The following SLC22A15 variants were observed in gnomAD, a reference collection of about 807,000 sequenced individuals.
SLC22A15 encodes solute carrier family 22 member 15, also known as flipt 1.
Under a neutral mutation model 62.7 loss-of-function variants are expected in SLC22A15, and 45 were observed. That is an observed-to-expected ratio of 0.72 (90% CI 0.56 to 0.92). The LOEUF is 0.92. SLC22A15 is among the 40% of genes least tolerant of loss of function. SLC22A15 has a pLI of 0.00. For missense variants in SLC22A15, 622 were observed against 665.6 expected (o/e 0.93, Z 0.72); for synonymous variants, 264 against 267.0 (o/e 0.99, Z 0.11).
intron 8 of SLC22A15, among the ~76,000 whole-genome samples, chr1:116,051,243 C>T (rs1447599989): frequency 1.3e-5 from 2 of 152,018 alleles, no homozygotes; most frequent in African/African-American, 4.8e-5. Context: ...CAAAAAAGGG[C>T]CCACATAGCC....
intron 5 of SLC22A15, among the ~76,000 whole-genome samples, chr1:116,029,841 GTTGT>G (rs1657307017): frequency 6.6e-6 from 1 of 152,086 alleles, no homozygotes; most frequent in African/African-American, 2.4e-5. Flanking sequence ...CGTATTTTCT[GTTGT>G]TTCTTTTTTA....
chr1:116,067,129 AG>A lies in SLC22A15; in HGVS notation c.*22del. 6.3e-7 allele frequency: 1 copy of A among 1,591,522 alleles called. No individual in the cohort carries two copies. The highest frequency in any genetic ancestry group is 1.7e-5 in the Admixed American group (1 of 58,188). ...AGTGAAGAGCCCCAGATTCCCCCTAAGAAGCAAAGGATCGTCTTTTATGCCT... is the reference window on the plus strand; with the variant it reads ...AGTGAAGAGCCCCAGATTCCCCCTAAAAGCAAAGGATCGTCTTTTATGCCT... On this transcript the variant is annotated 3_prime_UTR_variant, in exon 12 of 12. Coordinates refer to ENST00000369503, the MANE Select transcript of SLC22A15 (RefSeq NM_018420.3).
chr1:115,995,198 G>A (rs1428048882), intron 2 of SLC22A15, among the ~76,000 whole-genome samples: 1 of 152,052 alleles, frequency 6.6e-6, no homozygotes, highest in Non-Finnish European at 1.5e-5. Flanking sequence ...TGTTAATTTT[G>A]ATTAGCCATT....
intron 2 of SLC22A15, among the ~76,000 whole-genome samples, chr1:115,996,600 G>T (rs1258377566): frequency 1.4e-5 from 2 of 147,402 alleles, no homozygotes; most frequent in Non-Finnish European, 1.5e-5. Context: ...TTTTTTTGAG[G>T]GATTATAAAT....
chr1:116,022,538 C>T (rs1372197427), intron 4 of SLC22A15, among the ~76,000 whole-genome samples: 1 of 152,186 alleles, frequency 6.6e-6, no homozygotes, highest in Non-Finnish European at 1.5e-5. Context: ...CATGAAGATG[C>T]TGTTTTATAA....
Position 116,031,590 on chromosome 1 carries a change from A to C in SLC22A15, c.944+9A>C, listed in dbSNP as rs1202216590. On this transcript the variant is annotated intron_variant, in intron 6 of 11. Transcript: ENST00000369503. ...ATCCTGATGTTCATCTGGTAATTAT[A>C]CTAAGGCGTGTTCTGTTGCTCTTTA... The C allele has an allele frequency of 5.6e-6, 9 of 1,612,692 alleles. No individual in the cohort carries two copies. The African/African-American group carries it at 9.3e-5, about 17-fold the overall frequency.
intron 1 of SLC22A15, among the ~76,000 whole-genome samples, chr1:115,985,147 C>A (rs1361330562): frequency 6.6e-6 from 1 of 152,198 alleles, no homozygotes; most frequent in Admixed American, 6.5e-5. Flanking sequence ...TCCAGTCCCG[C>A]AGGCTCCGTT....
At chr1:116,065,248 C>G (rs1413245899) in intron 10 of SLC22A15, among the ~76,000 whole-genome samples, 1 of 152,102 alleles carries the variant, frequency 6.6e-6, no homozygotes. Context: ...ATTACTTAGG[C>G]AGGTCTCTGA....
chr1:116,011,488 G>A (rs888695028), intron 2 of SLC22A15, among the ~76,000 whole-genome samples: 1 of 152,130 alleles, frequency 6.6e-6, no homozygotes, highest in Non-Finnish European at 1.5e-5. Flanking sequence ...TGGAGATATT[G>A]TGTGTGAAGA....
At chr1:116,053,266 T>G (rs1658111656) in intron 8 of SLC22A15, among the ~76,000 whole-genome samples, 3 of 152,266 alleles carry the variant, frequency 2.0e-5, no homozygotes, top group African/African-American at 7.2e-5. Context: ...TGCAGAAGCC[T>G]CAGGAGCTGA....
At chr1:116,066,045 T>C (rs1658488931) in intron 10 of SLC22A15, among the ~76,000 whole-genome samples, 1 of 152,200 alleles carries the variant, frequency 6.6e-6, no homozygotes, top group East Asian at 1.9e-4. Context: ...TCCCTGGAAC[T>C]CTCAGTTACG....
intron 3 of SLC22A15, among the ~76,000 whole-genome samples, chr1:116,020,499 C>T (rs1321941158): frequency 1.3e-5 from 2 of 149,956 alleles, no homozygotes; most frequent in South Asian, 2.1e-4. Context: ...GAGCTTGCAG[C>T]GAGCCGAGAT....
intron 8 of SLC22A15, among the ~76,000 whole-genome samples, chr1:116,038,314 G>C (rs190313800): frequency 2.6e-5 from 4 of 152,270 alleles, no homozygotes; most frequent in Admixed American, 2.6e-4. Flanking sequence ...TTTTTTGTCA[G>C]AGTATATCAG....
intron 8 of SLC22A15, among the ~76,000 whole-genome samples, chr1:116,058,126 TTAAAC>T (rs1658272027): frequency 6.6e-6 from 1 of 151,250 alleles, no homozygotes; most frequent in South Asian, 2.1e-4. Context: ...TGGGACTTAA[TTAAAC>T]TAAAGAGCTT....
At chr1:116,026,413 G>A (rs556366183) in intron 4 of SLC22A15, among the ~76,000 whole-genome samples, 7 of 151,490 alleles carry the variant, frequency 4.6e-5, no homozygotes, top group African/African-American at 7.3e-5. Context: ...GCGACAGAGC[G>A]AGATTCTGTC....
At chr1:116,014,037 C>T (rs1456069873) in intron 2 of SLC22A15, 9 of 152,278 alleles carry the variant, frequency 5.9e-5, no homozygotes, top group South Asian at 2.1e-4. Flanking sequence ...TCTTGATGTA[C>T]GCCAGTACTT....
intron 2 of SLC22A15, among the ~76,000 whole-genome samples, chr1:116,010,315 A>T (rs1656186162): frequency 6.6e-6 from 1 of 152,170 alleles, no homozygotes; most frequent in Admixed American, 6.5e-5. Flanking sequence ...TGTTATCTTG[A>T]GATTAATATA....
intron 1 of SLC22A15, among the ~76,000 whole-genome samples, chr1:115,985,129 G>A (rs1278279802): frequency 1.3e-5 from 2 of 152,146 alleles, no homozygotes; most frequent in Admixed American, 1.3e-4. Flanking sequence ...GACTCACGCA[G>A]GGCAACTTCC....
rs1377895088 is a variant in SLC22A15, at chr1:116,026,920, T to G, written c.626T>G (p.Val209Gly). ...AGSIGGLFFAVGIAQYALLGY... is the reference protein window; with the variant it reads ...AGSIGGLFFAGGIAQYALLGY... Reference sequence around the variant, plus strand: ...TCGATTGGCGGCCTGTTCTTTGCAGTTGGCATTGCCCAATATGCCCTGTTA... The same window carrying G: ...TCGATTGGCGGCCTGTTCTTTGCAGGTGGCATTGCCCAATATGCCCTGTTA... The change falls in exon 5 of 12, where the codon GTT becomes GGT. Residue 209 changes from valine (V) to glycine (G), a missense_variant. Val to Gly is a moderately radical substitution (Grantham distance 109). Coordinates refer to ENST00000369503, the MANE Select transcript of SLC22A15 (RefSeq NM_018420.3). 18 of 1,613,686 alleles carry G rather than the reference T, an allele frequency of 1.1e-5. No individual in the cohort carries two copies. The highest frequency in any genetic ancestry group is 1.5e-5 in the Non-Finnish European group (18 of 1,179,832).
Sources: allele counts gnomAD v4.1 joint callset (sites outside exome capture counted in the v4.1 genomes callset), GRCh38; gene constraint gnomAD v4.1.1; transcripts MANE v1.5; gene names NCBI Gene and HGNC (gene_info 2026-07-23, HGNC 2026-07-21).